The following DPH6 variants were observed in gnomAD, a reference collection of about 807,000 sequenced individuals.
DPH6 encodes the protein diphthine--ammonia ligase.
Under a neutral mutation model 38.2 loss-of-function variants are expected in DPH6, and 33 were observed. The observed-to-expected ratio is 0.86, with a 90% CI of 0.65 to 1.15. The LOEUF (loss-of-function observed/expected upper bound fraction) is 1.15, where lower values mean the gene tolerates loss of function less well. Ranked by LOEUF, DPH6 falls within the 50% of genes most tolerant of loss-of-function variation. DPH6 has a pLI of 0.00. For missense variants in DPH6, 325 were observed against 320.0 expected, an observed-to-expected ratio of 1.02 and a Z score of -0.12; for synonymous variants, 108 against 103.0, an observed-to-expected ratio of 1.05 and a Z score of -0.30.
At chr15:35,318,974 TC>T (rs1405340022) in intron 3 of DPH6, among the ~76,000 whole-genome samples, 3 of 152,186 alleles carry the variant, frequency 2.0e-5, no homozygotes, top group Non-Finnish European at 4.4e-5. Flanking sequence ...AGCCAGCTGG[TC>T]AACTTACTTC....
At chr15:35,298,043 CTTTTT>C (rs2052026722) in intron 3 of DPH6, among the ~76,000 whole-genome samples, 1 of 152,032 alleles carries the variant, frequency 6.6e-6, no homozygotes, top group African/African-American at 2.4e-5. Flanking sequence ...CTAACATTTT[CTTTTT>C]GTTTTTTTTG....
At chr15:35,478,221 C>T (rs1462868162) in intron 3 of DPH6, among the ~76,000 whole-genome samples, 1 of 151,676 alleles carries the variant, frequency 6.6e-6, no homozygotes, top group Non-Finnish European at 1.5e-5. Flanking sequence ...ACTGATAAGC[C>T]TATAACTAAA....
chr15:35,373,389 G>A, intron 8 of DPH6, 132 bp downstream of exon 8: 8 of 720,304 alleles, frequency 1.1e-5, no homozygotes, highest in South Asian at 7.7e-5. Context: ...CTGAGGAGCT[G>A]AAAAAAAACC....
the DPH6 span, among the ~76,000 whole-genome samples, chr15:35,206,715 G>C: frequency 3.9e-5 from 6 of 152,108 alleles, no homozygotes; most frequent in Non-Finnish European, 8.8e-5. Flanking sequence ...TGATTAAATG[G>C]ATACATGGTA....
the DPH6 span, among the ~76,000 whole-genome samples, chr15:35,154,892 T>G: frequency 6.6e-6 from 1 of 152,318 alleles, no homozygotes; most frequent in South Asian, 2.1e-4. Context: ...TAAGTTTGAT[T>G]GAGACAAAGA....
At chr15:35,317,424 G>C (rs1351398391) in intron 3 of DPH6, among the ~76,000 whole-genome samples, 1 of 148,968 alleles carries the variant, frequency 6.7e-6, no homozygotes, top group Non-Finnish European at 1.5e-5. Context: ...GAAAGAGGAG[G>C]GAGGGAGGAA....
chr15:35,296,141 G>A lies in DPH6; in HGVS notation n.201-75559C>T, dbSNP rs1021069780. 5.3e-5 allele frequency among the ~76,000 whole-genome samples: 8 copies of A among 151,992 alleles called. No individual in the cohort carries two copies. The South Asian group carries it at 1.0e-3, about 20-fold the overall frequency. ...TTTTTAGTAGAGATGGGGTTTCACCGTGTTAGCCAGGATGGTCTCGATCCC... is the reference window on the plus strand; with the variant it reads ...TTTTTAGTAGAGATGGGGTTTCACCATGTTAGCCAGGATGGTCTCGATCCC... On this transcript the variant is annotated intron_variant and non_coding_transcript_variant, in intron 3 of 3. Transcript: ENST00000560386.
At chr15:35,343,703 G>A (rs1469853689) in intron 3 of DPH6, among the ~76,000 whole-genome samples, 5 of 151,922 alleles carry the variant, frequency 3.3e-5, no homozygotes, top group South Asian at 2.1e-4. Context: ...CCTACTAAAC[G>A]TTGGATTTGG....
At chr15:35,210,262 G>T in the DPH6 span, among the ~76,000 whole-genome samples, 3 of 152,158 alleles carry the variant, frequency 2.0e-5, no homozygotes, top group African/African-American at 7.2e-5. Flanking sequence ...TTACTTAACT[G>T]GACAAATGGT....
In DPH6 at chr15:35,435,422, G is replaced by C. The variant is rs376094822; in HGVS notation, c.505+15263C>G. 1.4e-4 allele frequency among the ~76,000 whole-genome samples: 21 copies of C among 152,340 alleles called. 1 individual carries two copies. Among genetic ancestry groups the C allele is most frequent in the Admixed American group, 3.9e-4 (6 of 15,302 alleles). On this transcript the variant is annotated intron_variant, in intron 5 of 8. Transcript: ENST00000256538. ...ATTGATAGATGCAGGAGGCAGAAAA[G>C]GGAACCTGCACAGGGTTTTGCCTGG... is the stretch of plus-strand genomic sequence containing the variant.
chr15:35,401,657 A>G, intron 6 of DPH6: 1 of 751,104 alleles, frequency 1.3e-6, no homozygotes, highest in Non-Finnish European at 2.4e-6. Context: ...TTGGAGGCAG[A>G]AACTCTGGCT....
chr15:35,178,938 G>A, the DPH6 span, among the ~76,000 whole-genome samples: 1 of 151,986 alleles, frequency 6.6e-6, no homozygotes. Flanking sequence ...CGGATGCGGT[G>A]GCTCACACTT....
At chr15:35,184,542 C>A in the DPH6 span, among the ~76,000 whole-genome samples, 2 of 151,520 alleles carry the variant, frequency 1.3e-5, no homozygotes, top group African/African-American at 2.4e-5. Context: ...AAGACGTTGA[C>A]CTAAAAAAAA....
the DPH6 span, chr15:35,181,810 G>C: frequency 6.6e-6 from 1 of 152,284 alleles, no homozygotes; most frequent in African/African-American, 2.4e-5. Flanking sequence ...CACTATAGGA[G>C]TCAGCACTTA....
At chr15:35,369,146 T>C (rs1302526259), downstream of DPH6, among the ~76,000 whole-genome samples, 2 of 151,680 alleles carry the variant, frequency 1.3e-5, no homozygotes, top group Admixed American at 6.6e-5. Flanking sequence ...AAAGAGATGG[T>C]GGCCAGTATT....
At chr15:35,386,767 AAAAT>A (rs1400886706) in intron 6 of DPH6, among the ~76,000 whole-genome samples, 10 of 152,272 alleles carry the variant, frequency 6.6e-5, no homozygotes, top group African/African-American at 2.4e-4. Flanking sequence ...GTAGGTTGCA[AAAAT>A]TTTCTCCCAT....
intron 3 of DPH6, among the ~76,000 whole-genome samples, chr15:35,315,054 T>C (rs2052177173): frequency 2.0e-5 from 3 of 152,158 alleles, no homozygotes; most frequent in Non-Finnish European, 4.4e-5. Flanking sequence ...AGCAACTTGA[T>C]GAGATGAACC....
chr15:35,464,261 T>G (rs2054100606), intron 3 of DPH6, among the ~76,000 whole-genome samples: 1 of 148,454 alleles, frequency 6.7e-6, no homozygotes, highest in Non-Finnish European at 1.5e-5. Context: ...GCTACAGTAC[T>G]CCAGCCTGGC....
chr15:35,212,500 G>A (rs759847484), downstream of DPH6, among the ~76,000 whole-genome samples: 2 of 152,174 alleles, frequency 1.3e-5, no homozygotes, highest in African/African-American at 2.4e-5. Context: ...GATACAAAGG[G>A]CAGGGGAAAG....
Sources: gnomAD v4.1 joint callset for allele counts (sites outside exome capture counted in the v4.1 genomes callset) on GRCh38, gnomAD v4.1.1 for gene constraint, MANE v1.5 for transcripts, NCBI Gene and HGNC (gene_info 2026-07-23, HGNC 2026-07-21) for gene names.